ANK3: variants seen among roughly 807,000 people sequenced by gnomAD.
The protein encoded by ANK3 is ankyrin-3.
In ANK3, 57 loss-of-function variants were observed where a neutral mutation model predicts 370.9. The observed-to-expected ratio is 0.15, with a 90% CI of 0.12 to 0.19. The LOEUF is 0.19. Among genes scored for constraint, ANK3 ranks in the 10% least tolerant of loss-of-function variants. The pLI is 1.00. For missense variants in ANK3, 4,439 were observed against 5,302.1 expected, an observed-to-expected ratio of 0.84 and a Z score of 5.06; for synonymous variants, 1,929 against 1,946.3, an observed-to-expected ratio of 0.99 and a Z score of 0.23.
chr10:60,640,638 T>A, intron 1 of ANK3, among the ~76,000 whole-genome samples: 1 of 77,916 alleles, frequency 1.3e-5, no homozygotes, highest in African/African-American at 4.2e-5. Flanking sequence ...GGGACGTATC[T>A]TAAAATAATA....
intron 1 of ANK3, among the ~76,000 whole-genome samples, chr10:60,383,205 A>C (rs548387196): frequency 1.3e-5 from 2 of 152,246 alleles, no homozygotes; most frequent in South Asian, 4.2e-4. Flanking sequence ...ATTGGCTAAC[A>C]CTAAATACTC....
At chr10:60,291,676 C>T (rs1187601839) in intron 1 of ANK3, among the ~76,000 whole-genome samples, 2 of 152,184 alleles carry the variant, frequency 1.3e-5, no homozygotes, top group East Asian at 3.9e-4. Context: ...GCCAAAGTAC[C>T]TAACCCAAGA....
chr10:60,701,072 GAA>G (rs558925947), intron 1 of ANK3, among the ~76,000 whole-genome samples: 1 of 151,780 alleles, frequency 6.6e-6, no homozygotes, highest in Non-Finnish European at 1.5e-5. Flanking sequence ...GAACAATAGA[GAA>G]AAAAGATATT....
chr10:60,088,978 CTGCCAAAAGTA>C (rs1475590071), intron 28 of ANK3, among the ~76,000 whole-genome samples: 1 of 152,046 alleles, frequency 6.6e-6, no homozygotes, highest in Non-Finnish European at 1.5e-5. Context: ...TGCCCCCAAG[CTGCCAAAAGTA>C]GAAATGAGTT....
At chr10:60,318,664 A>G (rs2047984383) in intron 1 of ANK3, among the ~76,000 whole-genome samples, 1 of 152,042 alleles carries the variant, frequency 6.6e-6, no homozygotes, top group Non-Finnish European at 1.5e-5. Context: ...AGGAGGGGGG[A>G]TCATAATTCA....
At chr10:60,573,914 C>T (rs2077649360) in intron 2 of ANK3, among the ~76,000 whole-genome samples, 1 of 152,126 alleles carries the variant, frequency 6.6e-6, no homozygotes, top group Admixed American at 6.5e-5. Flanking sequence ...GTTCCACACA[C>T]AGTAACATTG....
intron 26 of ANK3, among the ~76,000 whole-genome samples, chr10:60,112,626 C>T (rs991038121): frequency 6.6e-6 from 1 of 152,034 alleles, no homozygotes; most frequent in Non-Finnish European, 1.5e-5. Flanking sequence ...TGAAGCATTC[C>T]TCTGAGTCTG....
At chr10:60,186,532 T>C in intron 17 of ANK3, 183 bp downstream of exon 17, 1 of 713,064 alleles carries the variant, frequency 1.4e-6, no homozygotes, top group South Asian at 1.5e-5. Flanking sequence ...CCATTTTTCT[T>C]ATTGTTTAAA....
chr10:60,354,274 C>A (rs2057390632), intron 1 of ANK3, among the ~76,000 whole-genome samples: 1 of 152,016 alleles, frequency 6.6e-6, no homozygotes. Flanking sequence ...TCCCAAGATG[C>A]ATGGCACATC....
At chr10:60,175,839 T>C (rs1000344211) in intron 18 of ANK3, among the ~76,000 whole-genome samples, 3 of 152,174 alleles carry the variant, frequency 2.0e-5, no homozygotes, top group Admixed American at 6.5e-5. Flanking sequence ...TCTCTGTACA[T>C]TGGCTTATGC....
At chr10:60,445,379 G>A (rs939514947) in intron 2 of ANK3, among the ~76,000 whole-genome samples, 2 of 151,980 alleles carry the variant, frequency 1.3e-5, no homozygotes, top group African/African-American at 4.8e-5. Context: ...AAAAGAGCAA[G>A]ACCCTGTGCC....
intron 1 of ANK3, among the ~76,000 whole-genome samples, chr10:60,343,766 G>A (rs1333484808): frequency 2.6e-5 from 4 of 152,196 alleles, no homozygotes; most frequent in African/African-American, 9.6e-5. Flanking sequence ...TTCTGTTCTT[G>A]TAAGAGTCGT....
Position 60,074,024 on chromosome 10 carries a change from G to A in ANK3, c.6857C>T (p.Pro2286Leu). The A allele has an allele frequency of 1.2e-6, 2 of 1,614,090 alleles. No individual in the cohort carries two copies. Among genetic ancestry groups the A allele is most frequent in the Non-Finnish European group, 1.7e-6 (2 of 1,179,996 alleles). Residue 2286 changes from proline (P) to leucine (L), a missense_variant, in exon 37 of 44, where the codon CCT becomes CTT. Transcript: ENST00000280772. ...IMKAFQSGRD[P>L]SKELAGLFEH... ...AAACAGACCTGCCAGTTCTTTGGAA[G>A]GATCCCGCCCGGACTGAAAGGCCTT...
chr10:60,400,556 C>A (rs941501204), intron 2 of ANK3, among the ~76,000 whole-genome samples: 1 of 152,010 alleles, frequency 6.6e-6, no homozygotes, highest in African/African-American at 2.4e-5. Context: ...ATAAGCAGAT[C>A]ATTCCAAGGT....
intron 2 of ANK3, among the ~76,000 whole-genome samples, chr10:60,395,614 TTCGTTC>T (rs1428088764): frequency 4.0e-3 from 287 of 71,756 alleles, no homozygotes; most frequent in African/African-American, 0.013. Context: ...CTTTCTCTCT[TTCGTTC>T]TCTCTCTCTC....
At chr10:60,636,683 AC>A (rs1393742578) in intron 1 of ANK3, among the ~76,000 whole-genome samples, 3 of 152,218 alleles carry the variant, frequency 2.0e-5, no homozygotes, top group African/African-American at 2.4e-5. Flanking sequence ...TGCTTAGATG[AC>A]AAGAAAGAAT....
At chr10:60,226,856 T>A (rs1322132530) in intron 8 of ANK3, among the ~76,000 whole-genome samples, 1 of 150,520 alleles carries the variant, frequency 6.6e-6, no homozygotes, top group Non-Finnish European at 1.5e-5. Context: ...TCTTTTGTGC[T>A]ATAGCATATA....
At chr10:60,309,655 G>C (rs1329884445) in intron 1 of ANK3, among the ~76,000 whole-genome samples, 1 of 152,062 alleles carries the variant, frequency 6.6e-6, no homozygotes, top group Non-Finnish European at 1.5e-5. Context: ...CTTGCAATAG[G>C]TAGTTTTGTC....
chr10:60,673,350 AT>A (rs5785461), intron 1 of ANK3, among the ~76,000 whole-genome samples: 49,912 of 149,378 alleles, frequency 0.33, 8,412 homozygotes, highest in African/African-American at 0.37. Context: ...TTCAGACAAG[AT>A]TTTTTTTTTT....
Sources: allele counts gnomAD v4.1 joint callset (sites outside exome capture counted in the v4.1 genomes callset), GRCh38; gene constraint gnomAD v4.1.1; transcripts MANE v1.5; gene names NCBI Gene and HGNC (gene_info 2026-07-23, HGNC 2026-07-21).